The following CNTN1 variants were observed in gnomAD, a reference collection of about 807,000 sequenced individuals.
The protein encoded by CNTN1 is contactin 1, also known as contactin-1.
Under a neutral mutation model 126.4 loss-of-function variants are expected in CNTN1, and 38 were observed. The ratio of observed to expected loss-of-function variants is 0.30; its 90% confidence interval spans 0.23 to 0.39. The LOEUF is 0.39. Among genes scored for constraint, CNTN1 ranks in the 10% least tolerant of loss-of-function variants. The pLI is 1.00. For synonymous variants in CNTN1, 413 were observed against 422.6 expected, an observed-to-expected ratio of 0.98 and a Z score of 0.28; for missense variants, 1,009 against 1,248.4, an observed-to-expected ratio of 0.81 and a Z score of 2.89.
At chr12:40,775,944 C>G (rs551595445) in intron 1 of CNTN1, among the ~76,000 whole-genome samples, 2 of 151,584 alleles carry the variant, frequency 1.3e-5, no homozygotes, top group Admixed American at 1.3e-4. Flanking sequence ...GAGTCAATTA[C>G]AGATATAGAT....
chr12:40,839,227 A>G (rs7297450), intron 1 of CNTN1, among the ~76,000 whole-genome samples: 1 of 151,934 alleles, frequency 6.6e-6, no homozygotes, highest in Non-Finnish European at 1.5e-5. Context: ...CAGTCAGACA[A>G]AAATATAGAA....
intron 1 of CNTN1, among the ~76,000 whole-genome samples, chr12:40,726,993 CTTT>C (rs1237759674): frequency 6.7e-6 from 1 of 148,970 alleles, no homozygotes; most frequent in Non-Finnish European, 1.5e-5. Flanking sequence ...TCTAAAAAGT[CTTT>C]TATTATTAGA....
intron 21 of CNTN1, among the ~76,000 whole-genome samples, chr12:41,027,275 A>G (rs983887863): frequency 1.3e-5 from 2 of 152,154 alleles, no homozygotes; most frequent in African/African-American, 2.4e-5. Context: ...ATTTAAAGCC[A>G]TGGGCCTAAG....
At chr12:40,914,193 A>G (rs1287694965) in intron 3 of CNTN1, among the ~76,000 whole-genome samples, 2 of 152,190 alleles carry the variant, frequency 1.3e-5, no homozygotes, top group Non-Finnish European at 2.9e-5. Flanking sequence ...GAAAAAAATC[A>G]ATAGATGACA....
intron 23 of CNTN1, among the ~76,000 whole-genome samples, chr12:41,032,475 C>G (rs1295380428): frequency 6.6e-6 from 1 of 152,116 alleles, no homozygotes; most frequent in Non-Finnish European, 1.5e-5. Flanking sequence ...CACCCTCTCT[C>G]TCATCTCAAT....
At chr12:41,067,722 T>C (rs964603134) in intron 23 of CNTN1, among the ~76,000 whole-genome samples, 3 of 150,674 alleles carry the variant, frequency 2.0e-5, no homozygotes, top group Non-Finnish European at 4.4e-5. Context: ...CATATGTAAC[T>C]AACCTGCACA....
At chr12:41,021,512 T>C (rs886840190) in intron 20 of CNTN1, among the ~76,000 whole-genome samples, 1 of 152,066 alleles carries the variant, frequency 6.6e-6, no homozygotes, top group Non-Finnish European at 1.5e-5. Flanking sequence ...TGAATACTGA[T>C]AGGAATAATG....
intron 15 of CNTN1, among the ~76,000 whole-genome samples, chr12:40,970,000 A>T (rs550547684): frequency 1.3e-5 from 2 of 152,140 alleles, no homozygotes; most frequent in African/African-American, 4.8e-5. Flanking sequence ...GCGACTCTCA[A>T]TAATGAGAGC....
chr12:41,022,950 G>A (rs962372119), intron 20 of CNTN1, among the ~76,000 whole-genome samples: 1 of 152,068 alleles, frequency 6.6e-6, no homozygotes, highest in East Asian at 1.9e-4. Context: ...AAAGAGACAA[G>A]CACGAACACT....
intron 1 of CNTN1, among the ~76,000 whole-genome samples, chr12:40,709,126 A>C (rs962257208): frequency 6.6e-6 from 1 of 152,194 alleles, no homozygotes; most frequent in Non-Finnish European, 1.5e-5. Flanking sequence ...AATAAAAAAA[A>C]CTTGAAAGTC....
intron 4 of CNTN1, among the ~76,000 whole-genome samples, chr12:40,921,947 A>G (rs1367173140): frequency 2.0e-5 from 3 of 152,224 alleles, no homozygotes; most frequent in East Asian, 3.8e-4. Flanking sequence ...GATGGCTATC[A>G]ATTACATCCC....
intron 15 of CNTN1, chr12:40,978,878 G>C (rs1592355294): frequency 1.3e-5 from 2 of 152,230 alleles, no homozygotes; most frequent in African/African-American, 4.8e-5. Context: ...CTCAGAAAAA[G>C]TAACTGAATG....
At chr12:41,037,663 TACACAC>T (rs55890336) in intron 23 of CNTN1, among the ~76,000 whole-genome samples, 9,519 of 144,434 alleles carry the variant, frequency 0.066, 679 homozygotes, top group Admixed American at 0.15. Flanking sequence ...GTGTGTTTAA[TACACAC>T]ACACACACAC....
intron 17 of CNTN1, among the ~76,000 whole-genome samples, chr12:40,996,216 C>G (rs1229384463): frequency 1.3e-5 from 2 of 151,800 alleles, no homozygotes; most frequent in African/African-American, 2.4e-5. Flanking sequence ...ACTGCAGCCT[C>G]GACCTCCAGG....
In CNTN1 at chr12:40,987,718, T is replaced by C. The variant is rs185207600; in HGVS notation, c.1964-5402T>C. Among the ~76,000 whole-genome samples, 8 of 152,324 alleles carry C rather than the reference T, an allele frequency of 5.3e-5. No individual in the cohort carries two copies. In the East Asian group the frequency reaches 1.5e-3, roughly 29 times the overall value. ...TGCACATAAATGTTTCTCTATACTTTAGATTATTTCCCTAAAATAGATATT... is the reference window on the plus strand; with the variant it reads ...TGCACATAAATGTTTCTCTATACTTCAGATTATTTCCCTAAAATAGATATT... On this transcript the variant is annotated intron_variant, in intron 16 of 23. Transcript: ENST00000551295.
At chr12:40,920,886 T>C (rs1422424640) in intron 4 of CNTN1, among the ~76,000 whole-genome samples, 1 of 152,218 alleles carries the variant, frequency 6.6e-6, no homozygotes, top group Admixed American at 6.5e-5. Context: ...GTAATCCTTA[T>C]ATGATGTCAC....
At chr12:40,856,270 C>G (rs987094135) in intron 1 of CNTN1, among the ~76,000 whole-genome samples, 1 of 151,736 alleles carries the variant, frequency 6.6e-6, no homozygotes, top group Admixed American at 6.6e-5. Flanking sequence ...GAGGCAGTGA[C>G]AATGACAGTA....
chr12:40,813,206 A>C (rs1941148311), intron 1 of CNTN1, among the ~76,000 whole-genome samples: 2 of 120,478 alleles, frequency 1.7e-5, no homozygotes, highest in South Asian at 3.2e-4. Context: ...CAATAATTTC[A>C]GTTTTTTCTT....
intron 1 of CNTN1, among the ~76,000 whole-genome samples, chr12:40,728,001 A>T (rs1942401702): frequency 6.6e-6 from 1 of 152,158 alleles, no homozygotes; most frequent in African/African-American, 2.4e-5. Context: ...GCCCAGAGTA[A>T]AGCAGATCTT....
Sources: allele counts gnomAD v4.1 joint callset (sites outside exome capture counted in the v4.1 genomes callset), GRCh38; gene constraint gnomAD v4.1.1; transcripts MANE v1.5; gene names NCBI Gene and HGNC (gene_info 2026-07-23, HGNC 2026-07-21).